SLC25A36: variants seen among roughly 807,000 people sequenced by gnomAD.
The protein encoded by SLC25A36 is epididymis secretory sperm binding protein.
Under a neutral mutation model 35.3 loss-of-function variants are expected in SLC25A36, and 24 were observed. The observed-to-expected ratio is 0.68, with a 90% confidence interval of 0.49 to 0.96. The LOEUF (loss-of-function observed/expected upper bound fraction) is 0.96, where lower values mean the gene tolerates loss of function less well. Ranked by LOEUF, SLC25A36 falls within the 40% of genes least tolerant of loss-of-function variation. The pLI, the probability that SLC25A36 is intolerant of heterozygous loss-of-function variation, is 0.00. For synonymous variants in SLC25A36, 141 were observed against 132.2 expected, an observed-to-expected ratio of 1.07 and a Z score of -0.46; for missense variants, 294 against 381.1, an observed-to-expected ratio of 0.77 and a Z score of 1.90.
intron 1 of SLC25A36, among the ~76,000 whole-genome samples, chr3:140,946,180 GA>G (rs992863403): frequency 1.3e-5 from 2 of 151,990 alleles, no homozygotes; most frequent in South Asian, 2.1e-4. Context: ...AGTGCTGTGG[GA>G]AAAAAAATGG....
chr3:140,959,241 T>C (rs763425255), intron 2 of SLC25A36, among the ~76,000 whole-genome samples: 10 of 151,898 alleles, frequency 6.6e-5, no homozygotes, highest in Admixed American at 1.3e-4. Flanking sequence ...GTCTTGAACT[T>C]CTGACCTCAA....
Position 140,976,405 on chromosome 3 carries a change from C to T in SLC25A36, c.888C>T (p.Ala296=). The change falls in exon 7 of 7, where the codon GCC becomes GCT. Residue 296 remains alanine (A), a synonymous_variant. Coordinates refer to ENST00000324194, the MANE Select transcript of SLC25A36 (RefSeq NM_001104647.3). ...THLVRQIPNT[A]IMMATYELVV... is the part of the protein sequence containing the mutation. ...TAGTGAGACAGATTCCAAACACAGC[C>T]ATTATGATGGCCACCTATGAATTGG... is the stretch of plus-strand genomic sequence containing the variant. 2 of 1,613,642 alleles carry T rather than the reference C, an allele frequency of 1.2e-6. No homozygotes were observed. The highest frequency in any genetic ancestry group is 1.7e-6 in the Non-Finnish European group (2 of 1,179,840).
At chr3:140,955,461 T>A (rs1319739820) in intron 1 of SLC25A36, among the ~76,000 whole-genome samples, 4 of 152,240 alleles carry the variant, frequency 2.6e-5, no homozygotes, top group Admixed American at 2.0e-4. Flanking sequence ...TAGTTATTAA[T>A]GTTTTAAGAG....
At chr3:140,949,468 G>A (rs1035206761) in intron 1 of SLC25A36, among the ~76,000 whole-genome samples, 4 of 152,140 alleles carry the variant, frequency 2.6e-5, no homozygotes, top group Non-Finnish European at 5.9e-5. Context: ...TATTCTATAA[G>A]ATCAATACAT....
At chr3:140,975,094 A>ATTTTTTTTT (rs1272903563) in intron 6 of SLC25A36, among the ~76,000 whole-genome samples, 18 of 24,220 alleles carry the variant, frequency 7.4e-4, no homozygotes, top group South Asian at 4.1e-3. Context: ...AACAAGATAC[A>ATTTTTTTTT]TTCTTTTTTT....
chr3:140,965,507 G>T (rs1306807331), intron 4 of SLC25A36: 2 of 151,754 alleles, frequency 1.3e-5, no homozygotes, highest in African/African-American at 4.8e-5. Flanking sequence ...GGCACTGTAC[G>T]TAATTTTTAT....
intron 3 of SLC25A36, among the ~76,000 whole-genome samples, chr3:140,961,346 T>C (rs959981952): frequency 6.6e-6 from 1 of 152,174 alleles, no homozygotes; most frequent in Non-Finnish European, 1.5e-5. Flanking sequence ...TCCATGATAA[T>C]ATGTGGGGTG....
intron 4 of SLC25A36, among the ~76,000 whole-genome samples, chr3:140,967,326 T>C (rs1934787508): frequency 6.6e-6 from 1 of 151,926 alleles, no homozygotes; most frequent in Non-Finnish European, 1.5e-5. Context: ...TATACTATCT[T>C]AAAAGTTTTA....
At chr3:140,945,332 G>T (rs1377747060) in intron 1 of SLC25A36, among the ~76,000 whole-genome samples, 1 of 152,078 alleles carries the variant, frequency 6.6e-6, no homozygotes, top group Admixed American at 6.5e-5. Context: ...CTAGTTTTGG[G>T]GGAGACAAAC....
At chr3:140,963,327 T>C in intron 4 of SLC25A36, 100 bp downstream of exon 4, 1 of 726,024 alleles carries the variant, frequency 1.4e-6, no homozygotes, top group Non-Finnish European at 2.2e-6. Context: ...ATTAATGTGC[T>C]TTTCATTGAT....
intron 3 of SLC25A36, among the ~76,000 whole-genome samples, chr3:140,961,506 A>G (rs1934624875): frequency 6.6e-6 from 1 of 152,104 alleles, no homozygotes; most frequent in Non-Finnish European, 1.5e-5. Context: ...ATATTTTTTT[A>G]GGATGGTCAC....
intron 5 of SLC25A36, chr3:140,972,980 A>G (rs895058211): frequency 4.6e-5 from 7 of 152,192 alleles, no homozygotes; most frequent in African/African-American, 1.4e-4. Context: ...GGTAACAAAT[A>G]TTGTTAAAAC....
At chr3:140,943,630 A>G (rs1374611080) in intron 1 of SLC25A36, among the ~76,000 whole-genome samples, 1 of 152,228 alleles carries the variant, frequency 6.6e-6, no homozygotes, top group Non-Finnish European at 1.5e-5. Flanking sequence ...GTAGTCTAGC[A>G]CTATTTTAAT....
intron 2 of SLC25A36, among the ~76,000 whole-genome samples, chr3:140,957,834 A>T (rs1934515632): frequency 6.6e-6 from 1 of 152,198 alleles, no homozygotes; most frequent in Admixed American, 6.5e-5. Context: ...TTATTACCAC[A>T]GATTGCCCCT....
At chr3:140,943,451 G>A (rs1199626946) in intron 1 of SLC25A36, among the ~76,000 whole-genome samples, 1 of 152,158 alleles carries the variant, frequency 6.6e-6, no homozygotes, top group African/African-American at 2.4e-5. Context: ...CCCAGTTTAG[G>A]CAGTTTGCTT....
chr3:140,953,209 CTT>C (rs1934375752), intron 1 of SLC25A36, among the ~76,000 whole-genome samples: 1 of 152,254 alleles, frequency 6.6e-6, no homozygotes, highest in Non-Finnish European at 1.5e-5. Context: ...TAAGATTCCT[CTT>C]GTGGCCTCAT....
At chr3:140,975,526 T>C (rs1461517758) in intron 6 of SLC25A36, among the ~76,000 whole-genome samples, 1 of 152,132 alleles carries the variant, frequency 6.6e-6, no homozygotes, top group Non-Finnish European at 1.5e-5. Context: ...TCTGGAATAC[T>C]GTGCTGAAAA....
chr3:140,956,739 G>A (rs1350436651), intron 2 of SLC25A36, 48 bp downstream of exon 2: 2 of 1,523,548 alleles, frequency 1.3e-6, no homozygotes, highest in Admixed American at 4.3e-5. Flanking sequence ...TTGCGTTAGT[G>A]AGTTCCAGAT....
chr3:140,968,835 AT>A, intron 4 of SLC25A36: 1 of 424,016 alleles, frequency 2.4e-6, no homozygotes, highest in Non-Finnish European at 3.1e-6. Flanking sequence ...ATGAATGAGA[AT>A]TTTTACCTAG....
Sources: gnomAD v4.1 joint callset for allele counts (sites outside exome capture counted in the v4.1 genomes callset) on GRCh38, gnomAD v4.1.1 for gene constraint, MANE v1.5 for transcripts, NCBI Gene and HGNC (gene_info 2026-07-23, HGNC 2026-07-21) for gene names.